The following SORCS1 variants were observed in gnomAD, a reference collection of about 807,000 sequenced individuals.
The protein encoded by SORCS1 is sortilin related VPS10 domain containing receptor 1.
In SORCS1, 60 loss-of-function variants were observed where a neutral mutation model predicts 146.1. The observed-to-expected ratio is 0.41, with a 90% CI of 0.33 to 0.51. SORCS1 has a LOEUF of 0.51. Ranked by LOEUF, SORCS1 falls within the 20% of genes least tolerant of loss-of-function variation. SORCS1 has a pLI of 0.21. For missense variants in SORCS1, 1,352 were observed against 1,487.6 expected, an observed-to-expected ratio of 0.91 and a Z score of 1.50; for synonymous variants, 637 against 584.0, an observed-to-expected ratio of 1.09 and a Z score of -1.31.
At chr10:106,898,556 G>A (rs905955234) in intron 2 of SORCS1, among the ~76,000 whole-genome samples, 1 of 152,152 alleles carries the variant, frequency 6.6e-6, no homozygotes, top group African/African-American at 2.4e-5. Flanking sequence ...CACTGTCACT[G>A]ATCAAAAGAT....
At chr10:106,691,506 C>A (rs1443832241) in intron 9 of SORCS1, among the ~76,000 whole-genome samples, 4 of 152,152 alleles carry the variant, frequency 2.6e-5, no homozygotes, top group African/African-American at 9.7e-5. Context: ...GTCAAGATAT[C>A]ATTTTAATTA....
At chr10:106,990,139 G>A (rs1956706801) in intron 1 of SORCS1, among the ~76,000 whole-genome samples, 1 of 152,130 alleles carries the variant, frequency 6.6e-6, no homozygotes, top group Non-Finnish European at 1.5e-5. Context: ...TAGATTACCT[G>A]CTCAGAAACA....
intron 2 of SORCS1, among the ~76,000 whole-genome samples, chr10:106,865,455 G>A (rs1432784907): frequency 6.6e-6 from 1 of 152,182 alleles, no homozygotes; most frequent in Non-Finnish European, 1.5e-5. Context: ...CAGGCATGGT[G>A]GCTCATGCCT....
intron 2 of SORCS1, among the ~76,000 whole-genome samples, chr10:106,873,557 T>C (rs1342816955): frequency 2.6e-5 from 4 of 152,176 alleles, no homozygotes; most frequent in African/African-American, 9.6e-5. Context: ...CTACATAAAC[T>C]CTTCCTAAAC....
chr10:106,928,101 A>G (rs1404134454), intron 2 of SORCS1, among the ~76,000 whole-genome samples: 2 of 152,226 alleles, frequency 1.3e-5, no homozygotes, highest in Non-Finnish European at 2.9e-5. Context: ...CGCGCCGTGC[A>G]CCCGCACTCC....
intron 1 of SORCS1, among the ~76,000 whole-genome samples, chr10:107,133,930 C>T (rs1967060399): frequency 6.6e-6 from 1 of 152,206 alleles, no homozygotes; most frequent in South Asian, 2.1e-4. Flanking sequence ...TGTCAAAAGA[C>T]TGCTGAACGA....
Position 106,629,913 on chromosome 10 carries a change from G to A in SORCS1, c.2476-525C>T, listed in dbSNP as rs540880958. Among the ~76,000 whole-genome samples, 220 of 152,226 alleles carry A rather than the reference G, an allele frequency of 1.4e-3. 4 individuals are homozygous for A. The highest frequency in any genetic ancestry group is 4.9e-3 in the African/African-American group (202 of 41,550). ...ACAAAAATTAGCTGGGCGTGGTGGCGCACGCCTATAGTCCCAGCTACTCGG... is the reference window on the plus strand; with the variant it reads ...ACAAAAATTAGCTGGGCGTGGTGGCACACGCCTATAGTCCCAGCTACTCGG... On this transcript the variant is annotated intron_variant, in intron 18 of 25. Transcript: ENST00000263054.
chr10:107,121,710 T>C (rs182626567), intron 1 of SORCS1, among the ~76,000 whole-genome samples: 67 of 152,174 alleles, frequency 4.4e-4, no homozygotes, highest in African/African-American at 1.6e-3. Context: ...TAACAGTACA[T>C]ACAGTTGGAG....
At chr10:107,174,755 A>G in the SORCS1 span, among the ~76,000 whole-genome samples, 2 of 152,132 alleles carry the variant, frequency 1.3e-5, no homozygotes, top group Non-Finnish European at 2.9e-5. Flanking sequence ...TTTGAAATAT[A>G]TCTACCATTG....
At chr10:106,918,776 C>T (rs1952565010) in intron 2 of SORCS1, among the ~76,000 whole-genome samples, 1 of 152,112 alleles carries the variant, frequency 6.6e-6, no homozygotes, top group African/African-American at 2.4e-5. Flanking sequence ...AATTAACTAC[C>T]AGGAGCTTTC....
At chr10:107,031,601 CTTT>C (rs796816089) in intron 1 of SORCS1, among the ~76,000 whole-genome samples, 1 of 144,616 alleles carries the variant, frequency 6.9e-6, no homozygotes, top group Admixed American at 6.9e-5. Context: ...TTGTATCTCT[CTTT>C]TTTTTTTTTG....
At chr10:106,907,645 G>A (rs78295507) in intron 2 of SORCS1, among the ~76,000 whole-genome samples, 3,794 of 152,002 alleles carry the variant, frequency 0.025, 120 homozygotes, top group East Asian at 0.11. Flanking sequence ...ATTATGTCAC[G>A]GTTAGGTGCG....
chr10:106,702,883 T>C (rs577209751), intron 8 of SORCS1, among the ~76,000 whole-genome samples: 1 of 152,270 alleles, frequency 6.6e-6, no homozygotes, highest in South Asian at 2.1e-4. Context: ...GTCTGCTCCA[T>C]AGGACGACAA....
chr10:106,711,545 A>ATGAC (rs1261269515), intron 6 of SORCS1, among the ~76,000 whole-genome samples: 1 of 152,178 alleles, frequency 6.6e-6, no homozygotes, highest in Non-Finnish European at 1.5e-5. Context: ...CCTCTGACCA[A>ATGAC]TGACTGATGG....
chr10:107,126,064 C>G (rs1966695980), intron 1 of SORCS1, among the ~76,000 whole-genome samples: 3 of 152,156 alleles, frequency 2.0e-5, no homozygotes, highest in Admixed American at 2.0e-4. Flanking sequence ...TTTATCTCTG[C>G]TTGACTTTAT....
At chr10:106,891,227 T>C (rs2137890647) in intron 2 of SORCS1, among the ~76,000 whole-genome samples, 1 of 152,298 alleles carries the variant, frequency 6.6e-6, no homozygotes, top group South Asian at 2.1e-4. Context: ...TTAATCAAGC[T>C]GATGATTGGT....
At chr10:107,035,564 T>C (rs1958871941) in intron 1 of SORCS1, among the ~76,000 whole-genome samples, 3 of 152,174 alleles carry the variant, frequency 2.0e-5, no homozygotes, top group Admixed American at 2.0e-4. Context: ...TGTTAAATCA[T>C]CTGGAGCTCC....
At chr10:106,994,821 G>A (rs1291981234) in intron 1 of SORCS1, among the ~76,000 whole-genome samples, 1 of 152,172 alleles carries the variant, frequency 6.6e-6, no homozygotes, top group Admixed American at 6.5e-5. Flanking sequence ...AGAGCAAACT[G>A]GCTTAAGAGT....
the SORCS1 span, among the ~76,000 whole-genome samples, chr10:107,171,842 C>G: frequency 6.6e-6 from 1 of 152,122 alleles, no homozygotes; most frequent in African/African-American, 2.4e-5. Flanking sequence ...TGCAATTTAT[C>G]TTTTGGAGAT....
Sources: gnomAD v4.1 joint callset for allele counts (sites outside exome capture counted in the v4.1 genomes callset) on GRCh38, gnomAD v4.1.1 for gene constraint, MANE v1.5 for transcripts, NCBI Gene and HGNC (gene_info 2026-07-23, HGNC 2026-07-21) for gene names.